Variants in TPMT observed in about 807,000 individuals in gnomAD.
TPMT encodes thiopurine S-methyltransferase.
In TPMT, 18 loss-of-function variants were observed where a neutral mutation model predicts 34.2. That is an observed-to-expected ratio of 0.53 (90% CI 0.36 to 0.78). The LOEUF is 0.78. Among genes scored for constraint, TPMT ranks in the 30% least tolerant of loss-of-function variants. The pLI is 0.00. For missense variants in TPMT, 265 were observed against 288.1 expected, an observed-to-expected ratio of 0.92 and a Z score of 0.58; for synonymous variants, 69 against 92.4, an observed-to-expected ratio of 0.75 and a Z score of 1.45.
At chr6:18,151,732 G>A (rs922414718) in intron 1 of TPMT, among the ~76,000 whole-genome samples, 4 of 151,970 alleles carry the variant, frequency 2.6e-5, no homozygotes, top group African/African-American at 9.7e-5. Flanking sequence ...ATCTGGGACT[G>A]CAGCTGCACA....
chr6:18,147,047 C>T (rs1030829244), intron 3 of TPMT, among the ~76,000 whole-genome samples: 5 of 152,128 alleles, frequency 3.3e-5, no homozygotes, highest in African/African-American at 1.2e-4. Context: ...GTCTTGGCCT[C>T]CCAAAGTGCT....
At chr6:18,144,794 C>T (rs1285344519) in intron 3 of TPMT, among the ~76,000 whole-genome samples, 1 of 151,918 alleles carries the variant, frequency 6.6e-6, no homozygotes, top group Non-Finnish European at 1.5e-5. Context: ...AATCTCAGCT[C>T]ACTGCAACCT....
chr6:18,152,283 T>C (rs1412129934), intron 1 of TPMT, among the ~76,000 whole-genome samples: 1 of 152,204 alleles, frequency 6.6e-6, no homozygotes, highest in African/African-American at 2.4e-5. Flanking sequence ...CTTGTCCATT[T>C]GCCTTTCCAA....
chr6:18,144,531 A>T (rs552996975), intron 3 of TPMT, among the ~76,000 whole-genome samples: 2 of 151,900 alleles, frequency 1.3e-5, no homozygotes, highest in Admixed American at 1.3e-4. Flanking sequence ...GGTGCCTGTC[A>T]CCATGCCTGG....
chr6:18,149,909 C>A lies in TPMT; in HGVS notation c.-44-738G>T, dbSNP rs764819602. Reference sequence around the variant, plus strand: ...ATTAGTGTTTCCTCTGCTCTCACACCCCAATCATCAACACACAAGATTTCT... The same window carrying A: ...ATTAGTGTTTCCTCTGCTCTCACACACCAATCATCAACACACAAGATTTCT... On this transcript the variant is annotated intron_variant, in intron 1 of 8. Transcript: ENST00000309983. This position sits in a 1 kb window ranked among gnomAD's most constrained non-coding sequence, Gnocchi z 5.0. Among the ~76,000 whole-genome samples, 2 of 152,178 alleles carry A rather than the reference C, an allele frequency of 1.3e-5. No individual in the cohort carries two copies. The highest frequency in any genetic ancestry group is 2.9e-5 in the Non-Finnish European group (2 of 68,030).
rs1783965873 is a variant in TPMT, at chr6:18,132,548, A to G, written c.581-371T>C. Among the ~76,000 whole-genome samples the G allele has an allele frequency of 6.6e-6, 1 of 152,120 alleles. No homozygotes were observed. The highest frequency in any genetic ancestry group is 6.6e-5 in the Admixed American group (1 of 15,254). On this transcript the variant is annotated intron_variant, in intron 7 of 8. Transcript: ENST00000309983. This position sits in a 1 kb window ranked among gnomAD's most constrained non-coding sequence, Gnocchi z 4.8. The stretch of plus-strand genomic sequence containing the variant: ...CCCGCTCTGCTGCAGGATATAGAGT[A>G]TAAGGAAGCTGAGCTTCCGCCCCCT...
chr6:18,135,612 C>T lies in TPMT; in HGVS notation c.495-1723G>A, dbSNP rs1784029370. ...TAAGGCTGGGCACGGTGACTTACAT[C>T]TGTAATCCCAGCACTTTGGGAGGCC... On this transcript the variant is annotated intron_variant, in intron 6 of 8. Transcript: ENST00000309983. This position sits in a 1 kb window ranked among gnomAD's most constrained non-coding sequence, Gnocchi z 5.0. Among the ~76,000 whole-genome samples the T allele has an allele frequency of 6.6e-6, 1 of 152,194 alleles. No individual in the cohort carries two copies. The highest frequency in any genetic ancestry group is 2.4e-5 in the African/African-American group (1 of 41,446).
chr6:18,137,245 C>G (rs1437071487), intron 6 of TPMT, among the ~76,000 whole-genome samples: 1 of 152,020 alleles, frequency 6.6e-6, no homozygotes, highest in African/African-American at 2.4e-5. Flanking sequence ...TCAAGCAATT[C>G]TCCTGCCTCA....
chr6:18,148,849 G>T lies in TPMT; in HGVS notation c.140+139C>A. On this transcript the variant is annotated intron_variant, in intron 2 of 8. Coordinates refer to ENST00000309983, the MANE Select transcript of TPMT (RefSeq NM_000367.5). The surrounding 1 kb of genome is among the most constrained non-coding windows in gnomAD (Gnocchi z 4.1). ...AACTACATCATGCCACAGATGCACT[G>T]TGACTCGGGAGACACAAAAATGTGA... The T allele has an allele frequency of 7.9e-7, 1 of 1,259,064 alleles. No homozygotes were observed. Among genetic ancestry groups the T allele is most frequent in the Non-Finnish European group, 1.1e-6 (1 of 880,656 alleles). The allele number at this position is 1,259,064 out of a possible 1,614,324, so 78.0% of individuals were successfully genotyped here. A position where few individuals can be genotyped will look rare whatever the true frequency, so the allele number is the denominator to read the frequency against.
In TPMT at chr6:18,148,985, T is replaced by C. The variant is rs1290873736; in HGVS notation, c.140+3A>G. 36 of 1,613,262 alleles carry C rather than the reference T, an allele frequency of 2.2e-5. No individual in the cohort carries two copies. The highest frequency in any genetic ancestry group is 3.0e-5 in the Non-Finnish European group (35 of 1,179,920). ...TCTCTATTGTATACCAAATATTTCT[T>C]ACTGATGTCCTTGTTCCTGATGAAA... On this transcript the variant is annotated splice_donor_region_variant and intron_variant, in intron 2 of 8. Coordinates refer to ENST00000309983, the MANE Select transcript of TPMT (RefSeq NM_000367.5). This position sits in a 1 kb window ranked among gnomAD's most constrained non-coding sequence, Gnocchi z 4.1.
chr6:18,139,089 A>G lies in TPMT; in HGVS notation c.420-52T>C, dbSNP rs528468301. ...TGGGAGAAAAATCAAATCTTTAAGA[A>G]GATGAGCAGCGTCCCCCATGGTGCA... On this transcript the variant is annotated intron_variant, in intron 5 of 8. Transcript: ENST00000309983. The surrounding 1 kb of genome is among the most constrained non-coding windows in gnomAD (Gnocchi z 4.2). The G allele has an allele frequency of 1.1e-5, 17 of 1,509,178 alleles. No homozygotes were observed. In the African/African-American group the frequency reaches 1.9e-4, roughly 17 times the overall value. 93.5% of individuals were successfully genotyped at this position (1,509,178 alleles called of 1,614,324 possible).
rs1202350759 is a variant in TPMT at position 18,138,238 on chromosome 6, A to T, written c.494+725T>A. ...TATACCTTACAGAATTAAATGTTAA[A>T]CCACATGAAATATTTTGATTTTTTT... is the stretch of plus-strand genomic sequence containing the variant. On this transcript the variant is annotated intron_variant, in intron 6 of 8. Coordinates refer to ENST00000309983, the MANE Select transcript of TPMT (RefSeq NM_000367.5). The surrounding 1 kb of genome is among the most constrained non-coding windows in gnomAD (Gnocchi z 4.1). Among the ~76,000 whole-genome samples, 2 of 150,490 alleles carry T rather than the reference A, an allele frequency of 1.3e-5. No individual in the cohort carries two copies. Among genetic ancestry groups the T allele is most frequent in the Non-Finnish European group, 2.9e-5 (2 of 67,818 alleles).
In TPMT at chr6:18,143,379, C is replaced by A. The variant is rs1359279522; in HGVS notation, c.366+217G>T. 1.3e-5 allele frequency among the ~76,000 whole-genome samples: 2 copies of A among 152,140 alleles called. No homozygotes were observed. The highest frequency in any genetic ancestry group is 2.9e-5 in the Non-Finnish European group (2 of 68,034). On this transcript the variant is annotated intron_variant, in intron 4 of 8. Coordinates refer to ENST00000309983, the MANE Select transcript of TPMT (RefSeq NM_000367.5). This position sits in a 1 kb window ranked among gnomAD's most constrained non-coding sequence, Gnocchi z 6.1. ...GCCTAAAAGCTTGAGTACAGAGAGG[C>A]TTTGACCTCAGCTTTTATATACATA... is the stretch of plus-strand genomic sequence containing the variant.
intron 3 of TPMT, among the ~76,000 whole-genome samples, chr6:18,144,799 C>A (rs772624724): frequency 3.0e-4 from 46 of 151,922 alleles, no homozygotes; most frequent in Non-Finnish European, 4.6e-4. Context: ...CAGCTCACTG[C>A]AACCTCCACC....
At chr6:18,151,184 C>CTTTTT (rs55751001) in intron 1 of TPMT, among the ~76,000 whole-genome samples, 2 of 130,360 alleles carry the variant, frequency 1.5e-5, no homozygotes, top group Non-Finnish European at 3.2e-5. Flanking sequence ...CTTCTTCTCT[C>CTTTTT]TTTTTTTTTT....
intron 6 of TPMT, among the ~76,000 whole-genome samples, chr6:18,137,127 T>C (rs1784056278): frequency 2.6e-4 from 2 of 7,772 alleles, no homozygotes; most frequent in Non-Finnish European, 6.4e-4. Flanking sequence ...GCCTAACCTG[T>C]TTTTTTTTTG....
At position 18,129,699 on chromosome 6, in the gene TPMT, T is replaced by C. The variant is rs962020723; in HGVS notation, c.*969A>G. On this transcript the variant is annotated 3_prime_UTR_variant, in exon 9 of 9. Transcript: ENST00000309983. ...CAGATTAAATTATAAAAAACAACAA[T>C]TGCCAAACTCAGAGAAAACTTAAAG... The C allele has an allele frequency of 1.7e-4, 26 of 152,212 alleles. No homozygotes were observed. The highest frequency in any genetic ancestry group is 5.3e-4 in the African/African-American group (22 of 41,442). 9.4% of individuals were successfully genotyped at this position (152,212 alleles called of 1,614,324 possible). A position where few individuals can be genotyped will look rare whatever the true frequency, so the allele number is the denominator to read the frequency against.
At position 18,132,257 on chromosome 6, in the gene TPMT, A is replaced by G; in HGVS notation, c.581-80T>C. On this transcript the variant is annotated intron_variant, in intron 7 of 8. Coordinates refer to ENST00000309983, the MANE Select transcript of TPMT (RefSeq NM_000367.5). The surrounding 1 kb of genome is among the most constrained non-coding windows in gnomAD (Gnocchi z 4.8). Reference sequence around the variant, plus strand: ...GTTCTACATACAACTTCATTATCCAAATAGGTGATGATGTGGCATGTTCTT... The same window carrying G: ...GTTCTACATACAACTTCATTATCCAGATAGGTGATGATGTGGCATGTTCTT... 2.3e-6 allele frequency: 3 copies of G among 1,318,918 alleles called. No individual in the cohort carries two copies. The highest frequency in any genetic ancestry group is 3.3e-6 in the Non-Finnish European group (3 of 919,076). 81.7% of individuals were successfully genotyped at this position (1,318,918 alleles called of 1,614,324 possible). A position where few individuals can be genotyped will look rare whatever the true frequency, so the allele number is the denominator to read the frequency against.
Position 18,149,257 on chromosome 6 carries a change from G to A in TPMT, c.-44-86C>T. On this transcript the variant is annotated intron_variant, in intron 1 of 8. Transcript: ENST00000309983. This position sits in a 1 kb window ranked among gnomAD's most constrained non-coding sequence, Gnocchi z 5.0. ...AAATGAAAACCTATTATTCTTAGCA[G>A]TATGACTTTTTAAAAATATTTCTTT... 1 of 1,167,020 alleles carries A rather than the reference G, an allele frequency of 8.6e-7. No homozygotes were observed. The allele number at this position is 1,167,020 out of a possible 1,614,324, so 72.3% of individuals were successfully genotyped here.
Sources: allele counts gnomAD v4.1 joint callset (sites outside exome capture counted in the v4.1 genomes callset), GRCh38; gene constraint gnomAD v4.1.1; non-coding constraint Gnocchi (gnomAD v3.1); transcripts MANE v1.5; gene names NCBI Gene and HGNC (gene_info 2026-07-23, HGNC 2026-07-21).